Variants in ZFHX3 observed in about 807,000 individuals in gnomAD.
The protein encoded by ZFHX3 is zinc finger homeobox 3.
A neutral mutation model predicts 279.1 loss-of-function variants in ZFHX3; 42 were observed. That is an observed-to-expected ratio of 0.15 (90% CI 0.12 to 0.19). ZFHX3 has a LOEUF of 0.19. Among genes scored for constraint, ZFHX3 ranks in the 10% least tolerant of loss-of-function variants. The probability of loss-of-function intolerance (pLI) is 1.00; values close to 1 mark genes in which losing one functional copy is unlikely to be tolerated. For synonymous variants in ZFHX3, 2,293 were observed against 1,957.8 expected, an observed-to-expected ratio of 1.17 and a Z score of -4.52; for missense variants, 4,981 against 4,754.0, an observed-to-expected ratio of 1.05 and a Z score of -1.40.
chr16:72,865,249 T>G (rs766832427), intron 4 of ZFHX3, among the ~76,000 whole-genome samples: 1 of 152,120 alleles, frequency 6.6e-6, no homozygotes, highest in Non-Finnish European at 1.5e-5. Flanking sequence ...GAGGACTCAG[T>G]TGAGAACCAG....
At chr16:72,921,927 C>T (rs1384648903) in intron 3 of ZFHX3, among the ~76,000 whole-genome samples, 1 of 152,212 alleles carries the variant, frequency 6.6e-6, no homozygotes, top group East Asian at 1.9e-4. Context: ...CGAAAGCAGG[C>T]CTGCCTCCCA....
rs896517413 is a variant in ZFHX3 at position 72,784,655 on chromosome 16, C to G, written c.*2509G>C. On this transcript the variant is annotated 3_prime_UTR_variant, in exon 10 of 10. Coordinates refer to ENST00000268489, the MANE Select transcript of ZFHX3 (RefSeq NM_006885.4). ...TTCATCTCAAACACAGGAAGAAATA[C>G]AAGATTTCTTGTTAAAAGGAAATAG... The G allele has an allele frequency of 6.6e-6, 1 of 152,238 alleles. No homozygotes were observed. The highest frequency in any genetic ancestry group is 1.5e-5 in the Non-Finnish European group (1 of 67,952). 9.4% of individuals were successfully genotyped at this position (152,238 alleles called of 1,614,324 possible). A position where few individuals can be genotyped will look rare whatever the true frequency, so the allele number is the denominator to read the frequency against.
chr16:72,882,285 T>C lies in ZFHX3; in HGVS notation c.3448+7446A>G, dbSNP rs979545347. On this transcript the variant is annotated intron_variant, in intron 4 of 9. Coordinates refer to ENST00000268489, the MANE Select transcript of ZFHX3 (RefSeq NM_006885.4). ...TTGGGCACGTGCTGCCACCCACTCA[T>C]GAAGATAGCATGGAAGACAGCCTGG... 6.0e-5 allele frequency among the ~76,000 whole-genome samples: 9 copies of C among 150,768 alleles called. 1 individual carries two copies. In the Admixed American group the frequency reaches 6.0e-4, roughly 10 times the overall value.
chr16:73,739,643 C>T (rs1259151939), intron 1 of ZFHX3, among the ~76,000 whole-genome samples: 3 of 152,088 alleles, frequency 2.0e-5, no homozygotes, highest in Non-Finnish European at 4.4e-5. Context: ...GCAGAGTGGA[C>T]TCTTCTGTCT....
intron 1 of ZFHX3, among the ~76,000 whole-genome samples, chr16:73,011,400 AG>A (rs1363092541): frequency 6.6e-6 from 1 of 151,862 alleles, no homozygotes; most frequent in African/African-American, 2.4e-5. Flanking sequence ...CCAAAGCACT[AG>A]GATTACAGGC....
intron 5 of ZFHX3, among the ~76,000 whole-genome samples, chr16:73,240,084 C>G (rs1309212380): frequency 6.6e-6 from 1 of 151,876 alleles, no homozygotes; most frequent in African/African-American, 2.4e-5. Flanking sequence ...TAACATTGAA[C>G]TCATGGCCAA....
At chr16:72,904,432 CT>C (rs2039121567) in intron 3 of ZFHX3, among the ~76,000 whole-genome samples, 1 of 151,274 alleles carries the variant, frequency 6.6e-6, no homozygotes, top group African/African-American at 2.4e-5. Flanking sequence ...AAATTGTGGG[CT>C]GAAAGTTTGA....
intron 2 of ZFHX3, among the ~76,000 whole-genome samples, chr16:73,496,948 T>C (rs1404323255): frequency 6.6e-6 from 1 of 152,188 alleles, no homozygotes; most frequent in Non-Finnish European, 1.5e-5. Context: ...TTCCAACAGG[T>C]AGCCCTGGTT....
intron 2 of ZFHX3, among the ~76,000 whole-genome samples, chr16:73,634,178 A>C (rs766272542): frequency 1.3e-5 from 2 of 151,774 alleles, no homozygotes; most frequent in Non-Finnish European, 2.9e-5. Context: ...CAATACTGTA[A>C]AAAGGAGATG....
At chr16:73,642,335 C>T (rs980308804) in intron 2 of ZFHX3, among the ~76,000 whole-genome samples, 34 of 152,220 alleles carry the variant, frequency 2.2e-4, no homozygotes, top group African/African-American at 8.2e-4. Flanking sequence ...TTCCCACCTT[C>T]AGGCTCCTGA....
At chr16:73,553,368 A>T (rs1472173244) in intron 2 of ZFHX3, among the ~76,000 whole-genome samples, 4 of 152,210 alleles carry the variant, frequency 2.6e-5, no homozygotes, top group Non-Finnish European at 5.9e-5. Flanking sequence ...TGAAAGCATC[A>T]CATGAGATAA....
At chr16:72,871,265 T>C (rs1038352339) in intron 4 of ZFHX3, among the ~76,000 whole-genome samples, 9 of 152,116 alleles carry the variant, frequency 5.9e-5, no homozygotes, top group Non-Finnish European at 1.3e-4. Context: ...AACCTCTGCC[T>C]GCCAGGTTCA....
At position 72,787,455 on chromosome 16, in the gene ZFHX3, G is replaced by A. The variant is rs778133993; in HGVS notation, c.10821C>T (p.Ser3607=). 1.3e-5 allele frequency: 21 copies of A among 1,604,694 alleles called. No individual in the cohort carries two copies. Among genetic ancestry groups the A allele is most frequent in the Admixed American group, 1.7e-5 (1 of 59,548 alleles). Residue 3607 remains serine (S), a synonymous_variant, in exon 10 of 10, where the codon TCC becomes TCT. Coordinates refer to ENST00000268489, the MANE Select transcript of ZFHX3 (RefSeq NM_006885.4). The part of the protein sequence containing the change: ...PPPPSAAAPS[S]ASPHASRKSW... ...ACTTCCTGGAGGCGTGGGGGGAAGC[G>A]GAGGAGGGGGCGGCGGCCGACGGGG...
chr16:73,134,812 G>A (rs554360516), intron 6 of ZFHX3, among the ~76,000 whole-genome samples: 15 of 152,164 alleles, frequency 9.9e-5, no homozygotes, highest in Admixed American at 6.5e-4. Context: ...AATGTAAGAG[G>A]AGGTGATGTT....
At chr16:73,200,528 T>A (rs1968247692) in intron 5 of ZFHX3, among the ~76,000 whole-genome samples, 2 of 152,192 alleles carry the variant, frequency 1.3e-5, no homozygotes, top group Non-Finnish European at 2.9e-5. Context: ...AAAAGATCCC[T>A]TGAAGAAGTG....
At chr16:72,948,857 G>A (rs1960835381) in intron 3 of ZFHX3, among the ~76,000 whole-genome samples, 1 of 152,180 alleles carries the variant, frequency 6.6e-6, no homozygotes. Flanking sequence ...GCACCATCCT[G>A]TGGCCAGTTC....
intron 8 of ZFHX3, among the ~76,000 whole-genome samples, chr16:73,084,156 A>G (rs1343994206): frequency 1.3e-5 from 2 of 152,246 alleles, no homozygotes; most frequent in African/African-American, 4.8e-5. Context: ...TAAAAATGTC[A>G]TCAATGAAAG....
intron 3 of ZFHX3, among the ~76,000 whole-genome samples, chr16:73,392,059 A>C (rs182307382): frequency 6.6e-6 from 1 of 152,244 alleles, no homozygotes; most frequent in Non-Finnish European, 1.5e-5. Context: ...GGGAATTTAA[A>C]AGAGAGCTGG....
chr16:73,254,858 T>TGTC (rs1234814679), intron 5 of ZFHX3, among the ~76,000 whole-genome samples: 6 of 152,090 alleles, frequency 3.9e-5, no homozygotes, highest in Non-Finnish European at 7.4e-5. Context: ...ATATGAGAGA[T>TGTC]GTCTACTGAG....
Sources: gnomAD v4.1 joint callset for allele counts (sites outside exome capture counted in the v4.1 genomes callset) on GRCh38, gnomAD v4.1.1 for gene constraint, MANE v1.5 for transcripts, NCBI Gene and HGNC (gene_info 2026-07-23, HGNC 2026-07-21) for gene names.